LIPI: variants seen among roughly 807,000 people sequenced by gnomAD.
LIPI encodes the protein lipase member I.
In LIPI, 59 loss-of-function variants were observed where a neutral mutation model predicts 50.6. The observed-to-expected ratio is 1.16, with a 90% CI of 0.94 to 1.45. The LOEUF is 1.45. Among genes scored for constraint, LIPI ranks in the 40% most tolerant of loss-of-function variants. LIPI has a pLI of 0.00. For missense variants in LIPI, 586 were observed against 536.3 expected (o/e 1.09, Z -0.92); for synonymous variants, 203 against 178.2 (o/e 1.14, Z -1.11).
At chr21:14,126,853 G>A (rs540034688) in intron 9 of LIPI, among the ~76,000 whole-genome samples, 116 of 152,138 alleles carry the variant, frequency 7.6e-4, no homozygotes, top group African/African-American at 2.5e-3. Flanking sequence ...GCCAGCAGGT[G>A]GACTTGAAAC....
At chr21:14,204,299 G>C (rs954918513) in intron 1 of LIPI, among the ~76,000 whole-genome samples, 8 of 151,016 alleles carry the variant, frequency 5.3e-5, no homozygotes, top group Non-Finnish European at 1.2e-4. Context: ...TTAAAAAAGA[G>C]GTAGAAGGGT....
intron 9 of LIPI, among the ~76,000 whole-genome samples, chr21:14,120,566 A>G (rs913781195): frequency 6.6e-6 from 1 of 152,236 alleles, no homozygotes; most frequent in Admixed American, 6.5e-5. Flanking sequence ...ATGAGACTAC[A>G]GGAAACAGAA....
intron 9 of LIPI, among the ~76,000 whole-genome samples, chr21:14,112,645 C>T (rs1749085282): frequency 6.6e-6 from 1 of 151,806 alleles, no homozygotes; most frequent in African/African-American, 2.4e-5. Flanking sequence ...TGCTATATTG[C>T]ATTTTCAAAG....
intron 9 of LIPI, among the ~76,000 whole-genome samples, chr21:14,131,527 C>T (rs1158110349): frequency 1.3e-5 from 2 of 152,170 alleles, no homozygotes; most frequent in Non-Finnish European, 1.5e-5. Flanking sequence ...ATATATCCTA[C>T]TCAACCAACA....
At chr21:14,187,730 G>T (rs915544531) in intron 2 of LIPI, among the ~76,000 whole-genome samples, 4 of 151,620 alleles carry the variant, frequency 2.6e-5, no homozygotes, top group Non-Finnish European at 4.4e-5. Context: ...GTCCAAATTT[G>T]GGGGTGTAAA....
intron 6 of LIPI, 51 bp downstream of exon 6, chr21:14,165,170 TTA>T: frequency 1.5e-6 from 2 of 1,347,810 alleles, no homozygotes; most frequent in Non-Finnish European, 2.1e-6. Flanking sequence ...ATACTAACAA[TTA>T]TGTTATTCAT....
chr21:14,185,839 C>T (rs2019433423), intron 3 of LIPI, 122 bp downstream of exon 3: 1 of 624,682 alleles, frequency 1.6e-6, no homozygotes, highest in African/African-American at 1.9e-5. Flanking sequence ...GCCGAGATCG[C>T]ACCACTGCAC....
intron 1 of LIPI, among the ~76,000 whole-genome samples, chr21:14,202,414 G>A (rs1175055055): frequency 1.3e-5 from 2 of 152,090 alleles, no homozygotes; most frequent in South Asian, 2.1e-4. Flanking sequence ...GAGGCATCAT[G>A]CTACCTGACT....
chr21:14,126,087 C>A (rs2017054354), intron 9 of LIPI, among the ~76,000 whole-genome samples: 1 of 152,034 alleles, frequency 6.6e-6, no homozygotes, highest in South Asian at 2.1e-4. Flanking sequence ...GGAGCTCTTA[C>A]ATTTTGCTGG....
At chr21:14,139,577 C>T (rs1033046760) in intron 9 of LIPI, among the ~76,000 whole-genome samples, 6 of 152,080 alleles carry the variant, frequency 3.9e-5, no homozygotes, top group Non-Finnish European at 5.9e-5. Context: ...CCTCAAGAAA[C>T]TTATCTTCTA....
At chr21:14,109,468 G>A (rs141070615) in intron 9 of LIPI, among the ~76,000 whole-genome samples, 128 of 152,118 alleles carry the variant, frequency 8.4e-4, no homozygotes, top group African/African-American at 2.7e-3. Context: ...AAAGTTTGCC[G>A]AAGCAATTTA....
At chr21:14,151,662 C>T (rs556261035) in intron 8 of LIPI, among the ~76,000 whole-genome samples, 5 of 151,934 alleles carry the variant, frequency 3.3e-5, no homozygotes, top group Admixed American at 6.6e-5. Context: ...GTAGTGTGCC[C>T]GTTTATATCA....
At chr21:14,119,104 A>G (rs2016766861) in intron 9 of LIPI, among the ~76,000 whole-genome samples, 1 of 152,208 alleles carries the variant, frequency 6.6e-6, no homozygotes, top group African/African-American at 2.4e-5. Flanking sequence ...TAGCCCCTGT[A>G]AGCCGAGACA....
chr21:14,173,279 T>C (rs2018984033), intron 4 of LIPI, among the ~76,000 whole-genome samples: 1 of 152,236 alleles, frequency 6.6e-6, no homozygotes, highest in Admixed American at 6.5e-5. Context: ...CTTTTGGTCA[T>C]AATTTCTAAG....
rs535879505 is a variant in LIPI, at chr21:14,150,718, A to T, written c.1118+1855T>A. On this transcript the variant is annotated intron_variant, in intron 8 of 9. Coordinates refer to ENST00000681601, the MANE Select transcript of LIPI (RefSeq NM_001302998.2). ...TAAAGTAATGAACAATTATGGAATA[A>T]TATTAGTTATTATTTTAGAACATTC... Among the ~76,000 whole-genome samples the T allele has an allele frequency of 2.4e-4, 36 of 152,290 alleles. No homozygotes were observed. In the South Asian group the frequency reaches 4.2e-3, roughly 18 times the overall value.
chr21:14,197,643 C>T (rs891005712), intron 1 of LIPI, among the ~76,000 whole-genome samples: 2 of 151,970 alleles, frequency 1.3e-5, no homozygotes, highest in Admixed American at 1.3e-4. Context: ...ATCTATGACT[C>T]ACTGGTGTAC....
intron 1 of LIPI, among the ~76,000 whole-genome samples, chr21:14,203,389 G>A (rs1326483265): frequency 5.3e-5 from 8 of 152,090 alleles, no homozygotes; most frequent in Non-Finnish European, 1.0e-4. Context: ...ACACACTTAC[G>A]TTTATTGCAG....
chr21:14,165,635 T>C (rs2018656652), intron 5 of LIPI, among the ~76,000 whole-genome samples: 1 of 150,670 alleles, frequency 6.6e-6, no homozygotes, highest in Non-Finnish European at 1.5e-5. Flanking sequence ...GCAAAAATGT[T>C]TCATTTCAGT....
At chr21:14,189,765 A>G (rs898027892) in intron 1 of LIPI, among the ~76,000 whole-genome samples, 4 of 152,164 alleles carry the variant, frequency 2.6e-5, no homozygotes, top group Non-Finnish European at 4.4e-5. Context: ...AACTTTAACA[A>G]AAGTTTTACA....
Sources: allele counts gnomAD v4.1 joint callset (sites outside exome capture counted in the v4.1 genomes callset), GRCh38; gene constraint gnomAD v4.1.1; transcripts MANE v1.5; gene names NCBI Gene and HGNC (gene_info 2026-07-23, HGNC 2026-07-21).